GNG7: variants seen among roughly 807,000 people sequenced by gnomAD.
GNG7 encodes the protein G protein subunit gamma 7, also known as guanine nucleotide-binding protein G(I)/G(S)/G(O) subunit gamma-7.
A neutral mutation model predicts 4.0 loss-of-function variants in GNG7; 1 was observed. The ratio of observed to expected loss-of-function variants is 0.25; its 90% confidence interval spans 0.09 to 1.18. The LOEUF (loss-of-function observed/expected upper bound fraction) is 1.18, where lower values mean the gene tolerates loss of function less well. GNG7 is among the 50% of genes most tolerant of loss of function. The probability of loss-of-function intolerance (pLI) is 0.50; values close to 1 mark genes in which losing one functional copy is unlikely to be tolerated. For missense variants in GNG7, 86 were observed against 91.9 expected (o/e 0.94, Z 0.26); for synonymous variants, 34 against 36.9 (o/e 0.92, Z 0.29).
At chr19:2,696,012 C>G (rs1000678036) in intron 1 of GNG7, among the ~76,000 whole-genome samples, 5 of 151,892 alleles carry the variant, frequency 3.3e-5, no homozygotes, top group African/African-American at 7.3e-5. Flanking sequence ...TAAAAATTAT[C>G]TGGGTGTGGT....
chr19:2,661,253 G>GAAAGAAAGAAAGA lies in GNG7; in HGVS notation c.-134-14986_-134-14974dup, dbSNP rs1273855984. The stretch of plus-strand genomic sequence containing the variant: ...AAAGGAAAGAAAGAAAGAAAAGAAA[G>GAAAGAAAGAAAGA]AAAGAAAGAAAGAAAGAAAAGAAAG... On this transcript the variant is annotated intron_variant, in intron 1 of 4. Transcript: ENST00000382159. 1.1e-3 allele frequency among the ~76,000 whole-genome samples: 72 copies of GAAAGAAAGAAAGA among 68,256 alleles called. 5 individuals carry two copies. The highest frequency in any genetic ancestry group is 4.1e-3 in the East Asian group (10 of 2,422). The allele number at this position is 68,256 out of a possible 152,430, so 44.8% of individuals were successfully genotyped here. A position where few individuals can be genotyped will look rare whatever the true frequency, so the allele number is the denominator to read the frequency against.
At chr19:2,570,592 C>A (rs529639276) in intron 2 of GNG7, among the ~76,000 whole-genome samples, 1 of 152,110 alleles carries the variant, frequency 6.6e-6, no homozygotes, top group Non-Finnish European at 1.5e-5. Flanking sequence ...AGCTAAATCC[C>A]TAAGGACGCA....
At chr19:2,589,220 G>A (rs149758500) in intron 2 of GNG7, among the ~76,000 whole-genome samples, 1,632 of 148,924 alleles carry the variant, frequency 0.011, 38 homozygotes, top group African/African-American at 0.039. Context: ...GAGCCACCAC[G>A]CCCGGCCGTC....
chr19:2,587,605 G>A (rs1172529119), intron 2 of GNG7, among the ~76,000 whole-genome samples: 1 of 152,124 alleles, frequency 6.6e-6, no homozygotes, highest in Non-Finnish European at 1.5e-5. Context: ...CAAAGGGGAG[G>A]CAGGCCTGGG....
chr19:2,627,453 T>C (rs1459601419), intron 2 of GNG7, among the ~76,000 whole-genome samples: 1 of 152,200 alleles, frequency 6.6e-6, no homozygotes. Flanking sequence ...GCCTGTCCTC[T>C]GCACCTGCAT....
chr19:2,641,582 G>T (rs549813792), intron 2 of GNG7, among the ~76,000 whole-genome samples: 1 of 152,220 alleles, frequency 6.6e-6, no homozygotes, highest in East Asian at 1.9e-4. Flanking sequence ...TTCCCCTGGA[G>T]CCCCAAGGAG....
intron 3 of GNG7, among the ~76,000 whole-genome samples, chr19:2,525,113 A>G (rs554607266): frequency 6.6e-6 from 1 of 151,904 alleles, no homozygotes; most frequent in East Asian, 2.0e-4. Flanking sequence ...TCAGCCAGGA[A>G]CGCCCCTCCC....
chr19:2,688,350 C>T (rs145272254), intron 1 of GNG7, among the ~76,000 whole-genome samples: 2 of 152,226 alleles, frequency 1.3e-5, no homozygotes, highest in East Asian at 3.9e-4. Flanking sequence ...GTGGGGAGTT[C>T]CCTCAGCAAG....
At chr19:2,602,889 T>C (rs1216504160) in intron 2 of GNG7, among the ~76,000 whole-genome samples, 1 of 137,380 alleles carries the variant, frequency 7.3e-6, no homozygotes, top group Non-Finnish European at 1.5e-5. Context: ...TTCTCTTTCT[T>C]TTTCTCTTTT....
At chr19:2,554,635 AC>A (rs1471791479) in intron 3 of GNG7, among the ~76,000 whole-genome samples, 1 of 150,414 alleles carries the variant, frequency 6.6e-6, no homozygotes, top group Non-Finnish European at 1.5e-5. Context: ...GCTCACTGCA[AC>A]CTCCATCTCC....
intron 1 of GNG7, among the ~76,000 whole-genome samples, chr19:2,654,156 G>A (rs986816748): frequency 1.4e-4 from 21 of 152,124 alleles, no homozygotes; most frequent in African/African-American, 4.8e-4. Flanking sequence ...AGGTGGGGGC[G>A]GGGCCGGCTG....
chr19:2,554,168 A>G (rs1490080445), intron 3 of GNG7, among the ~76,000 whole-genome samples: 2 of 146,026 alleles, frequency 1.4e-5, no homozygotes, highest in African/African-American at 2.5e-5. Context: ...TATATATAAT[A>G]TATAATATAT....
intron 2 of GNG7, among the ~76,000 whole-genome samples, chr19:2,590,520 CCCAT>C (rs1261493992): frequency 6.9e-6 from 1 of 145,308 alleles, no homozygotes; most frequent in African/African-American, 2.5e-5. Flanking sequence ...CATCCACCCA[CCCAT>C]CCACCCACCC....
At chr19:2,575,699 AC>A (rs1980298971) in intron 2 of GNG7, among the ~76,000 whole-genome samples, 1 of 118,622 alleles carries the variant, frequency 8.4e-6, no homozygotes, top group African/African-American at 3.7e-5. Flanking sequence ...ACGCAGACAC[AC>A]GCAGACAGGC....
At chr19:2,517,415 A>C (rs1395515013) in intron 4 of GNG7, among the ~76,000 whole-genome samples, 1 of 151,836 alleles carries the variant, frequency 6.6e-6, no homozygotes, top group Non-Finnish European at 1.5e-5. Context: ...GCCAGGCTGG[A>C]GTGCAGTGGC....
chr19:2,566,445 T>C (rs79665887), intron 2 of GNG7, among the ~76,000 whole-genome samples: 3 of 152,192 alleles, frequency 2.0e-5, no homozygotes, highest in Non-Finnish European at 4.4e-5. Context: ...ACCCGTGGTG[T>C]CTAAACGGCT....
intron 1 of GNG7, among the ~76,000 whole-genome samples, chr19:2,659,467 G>A (rs1414959474): frequency 6.6e-6 from 1 of 150,794 alleles, no homozygotes. Flanking sequence ...GCACTTGCCT[G>A]TAATCCCAGC....
intron 2 of GNG7, among the ~76,000 whole-genome samples, chr19:2,568,312 CACGCACACACACAT>C (rs781205618): frequency 8.0e-5 from 12 of 150,364 alleles, no homozygotes; most frequent in Admixed American, 1.3e-4. Flanking sequence ...CACACATACA[CACGCACACACACAT>C]ATACACACAT....
intron 3 of GNG7, among the ~76,000 whole-genome samples, chr19:2,549,462 TG>T (rs1284597595): frequency 6.6e-6 from 1 of 152,050 alleles, no homozygotes; most frequent in Non-Finnish European, 1.5e-5. Context: ...GGCTAATTTT[TG>T]TATTTTTAGT....
Sources: allele counts gnomAD v4.1 joint callset (sites outside exome capture counted in the v4.1 genomes callset), GRCh38; gene constraint gnomAD v4.1.1; transcripts MANE v1.5; gene names NCBI Gene and HGNC (gene_info 2026-07-23, HGNC 2026-07-21).